AGBL4: variants seen among roughly 807,000 people sequenced by gnomAD.
The protein encoded by AGBL4 is AGBL carboxypeptidase 4.
Under a neutral mutation model 66.4 loss-of-function variants are expected in AGBL4, and 58 were observed. That is an observed-to-expected ratio of 0.87 (90% CI 0.71 to 1.09). AGBL4 has a LOEUF of 1.09. Among genes scored for constraint, AGBL4 ranks in the 50% least tolerant of loss-of-function variants. The pLI is 0.00. For synonymous variants in AGBL4, 234 were observed against 222.9 expected (o/e 1.05, Z -0.44); for missense variants, 579 against 631.0 (o/e 0.92, Z 0.88).
intron 2 of AGBL4, among the ~76,000 whole-genome samples, chr1:49,714,786 A>G (rs1292970283): frequency 6.6e-6 from 1 of 151,722 alleles, no homozygotes; most frequent in African/African-American, 2.4e-5. Context: ...ATTTGGGTAG[A>G]TACTCAGGAA....
chr1:49,633,024 A>T (rs1014247128), intron 3 of AGBL4, among the ~76,000 whole-genome samples: 6 of 152,126 alleles, frequency 3.9e-5, no homozygotes, highest in Non-Finnish European at 8.8e-5. Flanking sequence ...CAGTGAGCTG[A>T]GATTGCACCA....
intron 5 of AGBL4, among the ~76,000 whole-genome samples, chr1:48,949,200 G>A (rs1345123747): frequency 2.0e-5 from 3 of 152,194 alleles, no homozygotes; most frequent in African/African-American, 7.2e-5. Flanking sequence ...CACCTCCAAA[G>A]GAAGGATCAG....
At chr1:49,227,333 G>T (rs915810400) in intron 4 of AGBL4, among the ~76,000 whole-genome samples, 1 of 152,054 alleles carries the variant, frequency 6.6e-6, no homozygotes, top group Non-Finnish European at 1.5e-5. Context: ...TGAACAAAAC[G>T]ATTTCTTCCT....
chr1:49,975,996 G>C (rs1186127659), intron 1 of AGBL4, among the ~76,000 whole-genome samples: 1 of 152,116 alleles, frequency 6.6e-6, no homozygotes, highest in Non-Finnish European at 1.5e-5. Flanking sequence ...AGGGTAAGGG[G>C]TGTCAGTTAT....
intron 4 of AGBL4, among the ~76,000 whole-genome samples, chr1:49,219,854 C>A (rs1457957580): frequency 1.3e-5 from 2 of 152,144 alleles, no homozygotes; most frequent in Admixed American, 6.6e-5. Context: ...GTCAATCTAA[C>A]AACACTCCCT....
intron 3 of AGBL4, among the ~76,000 whole-genome samples, chr1:49,658,299 C>A (rs1370148018): frequency 6.6e-6 from 1 of 152,118 alleles, no homozygotes; most frequent in Non-Finnish European, 1.5e-5. Flanking sequence ...AAATCAAAAC[C>A]ACAATGAGAT....
At chr1:48,660,211 C>T (rs1370441969) in intron 7 of AGBL4, among the ~76,000 whole-genome samples, 1 of 152,198 alleles carries the variant, frequency 6.6e-6, no homozygotes, top group Non-Finnish European at 1.5e-5. Flanking sequence ...CTTGAGGAAT[C>T]TGAGCCCTGC....
chr1:49,503,783 G>A (rs966117212), intron 3 of AGBL4, among the ~76,000 whole-genome samples: 8 of 152,090 alleles, frequency 5.3e-5, no homozygotes, highest in African/African-American at 1.9e-4. Context: ...TTTACCTAAT[G>A]CCTGTACCCC....
At chr1:49,951,970 A>T (rs1251083575) in intron 1 of AGBL4, among the ~76,000 whole-genome samples, 3 of 151,878 alleles carry the variant, frequency 2.0e-5, no homozygotes, top group Non-Finnish European at 4.4e-5. Context: ...GGAGGGAAAG[A>T]AAGAAAAACA....
chr1:48,824,309 C>T (rs957349256), intron 6 of AGBL4, among the ~76,000 whole-genome samples: 21 of 152,124 alleles, frequency 1.4e-4, no homozygotes, highest in African/African-American at 5.1e-4. Flanking sequence ...GAACATTCAC[C>T]ATAACCCACA....
At chr1:49,276,167 T>C (rs1644163923) in intron 3 of AGBL4, among the ~76,000 whole-genome samples, 1 of 151,908 alleles carries the variant, frequency 6.6e-6, no homozygotes, top group African/African-American at 2.4e-5. Context: ...ATCTACAAGA[T>C]CACCTCCTAG....
chr1:49,608,525 G>C (rs1645099494), intron 3 of AGBL4, among the ~76,000 whole-genome samples: 1 of 152,118 alleles, frequency 6.6e-6, no homozygotes, highest in South Asian at 2.1e-4. Context: ...GTACACAAAG[G>C]ATTAATCCTA....
intron 4 of AGBL4, among the ~76,000 whole-genome samples, chr1:49,098,941 T>C (rs1287939898): frequency 6.6e-6 from 1 of 152,208 alleles, no homozygotes. Flanking sequence ...GTTTTGCTAT[T>C]GATTTTAATT....
chr1:48,591,130 G>A (rs1262589908), intron 9 of AGBL4, 145 bp from the exon 10 acceptor site: 1 of 738,810 alleles, frequency 1.4e-6, no homozygotes, highest in Non-Finnish European at 2.0e-6. Flanking sequence ...CTGACCCTGT[G>A]TGTCAGCAGA....
At chr1:48,608,071 G>A (rs1557825092) in intron 9 of AGBL4, among the ~76,000 whole-genome samples, 1 of 152,166 alleles carries the variant, frequency 6.6e-6, no homozygotes, top group Non-Finnish European at 1.5e-5. Context: ...GGGGCTCAGA[G>A]GACAAAGTCA....
At chr1:49,021,367 C>T (rs1462279044) in intron 5 of AGBL4, among the ~76,000 whole-genome samples, 3 of 152,154 alleles carry the variant, frequency 2.0e-5, no homozygotes, top group Admixed American at 6.5e-5. Context: ...TTTGTGTCCC[C>T]TTCCCTCTCC....
At chr1:49,294,401 C>A (rs1438328889) in intron 3 of AGBL4, among the ~76,000 whole-genome samples, 1 of 152,120 alleles carries the variant, frequency 6.6e-6, no homozygotes, top group Non-Finnish European at 1.5e-5. Flanking sequence ...CATTCTCTTT[C>A]CAAAATAGAA....
intron 4 of AGBL4, among the ~76,000 whole-genome samples, chr1:49,195,108 T>C (rs949867517): frequency 6.6e-6 from 1 of 152,156 alleles, no homozygotes; most frequent in Non-Finnish European, 1.5e-5. Flanking sequence ...TTCCAAAATG[T>C]CGAGATTGAA....
rs2148051268 is a variant in AGBL4 at position 49,846,094 on chromosome 1, C to T, written c.157+5302G>A. Reference sequence around the variant, plus strand: ...CAGGAGAGAAACCCTATGAATGTAACCAGTGTAGCCAGAGCTCCCTTCTCA... The same window carrying T: ...CAGGAGAGAAACCCTATGAATGTAATCAGTGTAGCCAGAGCTCCCTTCTCA... On this transcript the variant is annotated intron_variant, in intron 2 of 13. Transcript: ENST00000371839. The T allele has an allele frequency of 5.2e-6, 8 of 1,533,904 alleles. No homozygotes were observed. In the South Asian group the frequency reaches 8.9e-5, roughly 17 times the overall value.
Sources: allele counts gnomAD v4.1 joint callset (sites outside exome capture counted in the v4.1 genomes callset), GRCh38; gene constraint gnomAD v4.1.1; transcripts MANE v1.5; gene names NCBI Gene and HGNC (gene_info 2026-07-23, HGNC 2026-07-21).